Variants in SENP6 observed in about 807,000 individuals in gnomAD.
SENP6 encodes SUMO specific peptidase 6, also known as sentrin-specific protease 6.
SENP6 carries 41 observed loss-of-function variants against 134.5 expected under a neutral mutation model. That is an observed-to-expected ratio of 0.30 (90% CI 0.24 to 0.40). SENP6 has a LOEUF of 0.40. Among genes scored for constraint, SENP6 ranks in the 10% least tolerant of loss-of-function variants. The pLI, the probability that SENP6 is intolerant of heterozygous loss-of-function variation, is 1.00. For synonymous variants in SENP6, 395 were observed against 429.8 expected, an observed-to-expected ratio of 0.92 and a Z score of 1.00; for missense variants, 1,248 against 1,312.5, an observed-to-expected ratio of 0.95 and a Z score of 0.76.
At position 75,601,910 on chromosome 6, in the gene SENP6, CG is replaced by C. The variant is rs1561950401; in HGVS notation, c.-614del. On this transcript the variant is annotated 5_prime_UTR_variant, in exon 1 of 24. Transcript: ENST00000447266. ...CGGCGGCTGGAGCTGCTGTGGCGAC[CG>C]ACGCGAGGCGGTGGCAGAGGAGACC... 1 of 152,052 alleles carries C rather than the reference CG, an allele frequency of 6.6e-6. No individual in the cohort carries two copies. The highest frequency in any genetic ancestry group is 2.4e-5 in the African/African-American group (1 of 41,418). The allele number at this position is 152,052 out of a possible 1,614,324, so 9.4% of individuals were successfully genotyped here. A position where few individuals can be genotyped will look rare whatever the true frequency, so the allele number is the denominator to read the frequency against.
chr6:75,666,600 T>C (rs936770897), intron 9 of SENP6, 112 bp from the exon 10 acceptor site: 7 of 446,358 alleles, frequency 1.6e-5, no homozygotes, highest in African/African-American at 2.1e-5. Flanking sequence ...CAAAGCAAAT[T>C]TAGGATATTT....
intron 7 of SENP6, among the ~76,000 whole-genome samples, chr6:75,652,170 A>C (rs1181987254): frequency 6.6e-6 from 1 of 151,950 alleles, no homozygotes; most frequent in Non-Finnish European, 1.5e-5. Context: ...GAGTGAGACC[A>C]TATCTCAGAA....
intron 16 of SENP6, 64 bp from the exon 17 acceptor site, chr6:75,695,740 A>G: frequency 7.2e-7 from 1 of 1,389,240 alleles, no homozygotes; most frequent in Admixed American, 2.2e-5. Flanking sequence ...CTGTCTCAAA[A>G]AAATAGAAAT....
At chr6:75,696,576 C>A (rs772315570) in intron 17 of SENP6, among the ~76,000 whole-genome samples, 8 of 152,182 alleles carry the variant, frequency 5.3e-5, no homozygotes, top group Non-Finnish European at 1.0e-4. Flanking sequence ...CTCCCACTCT[C>A]AAGTGATCCT....
rs751622590 is a variant in SENP6 at position 75,715,639 on chromosome 6, T to C, written c.*45T>C. On this transcript the variant is annotated 3_prime_UTR_variant, in exon 24 of 24. Coordinates refer to ENST00000447266, the MANE Select transcript of SENP6 (RefSeq NM_015571.4). ...TTTCTACTTTCAGAAACTAAATGAC[T>C]TTCAAATTTGGGTATAGACAATAAA... 1.3e-6 allele frequency: 2 copies of C among 1,490,046 alleles called. No individual in the cohort carries two copies. Among genetic ancestry groups the C allele is most frequent in the African/African-American group, 2.8e-5 (2 of 71,906 alleles). The allele number at this position is 1,490,046 out of a possible 1,614,324, so 92.3% of individuals were successfully genotyped here. A position where few individuals can be genotyped will look rare whatever the true frequency, so the allele number is the denominator to read the frequency against.
In SENP6 at chr6:75,717,426, A is replaced by G. The variant is rs1044047379; in HGVS notation, c.*1832A>G. ...AAAATATAATTTATCCCTTGTACCA[A>G]CTCAAGTCAATCAGATTTTAACATG... On this transcript the variant is annotated 3_prime_UTR_variant, in exon 24 of 24. Coordinates refer to ENST00000447266, the MANE Select transcript of SENP6 (RefSeq NM_015571.4). 1.3e-5 allele frequency: 2 copies of G among 152,064 alleles called. No homozygotes were observed. The highest frequency in any genetic ancestry group is 4.1e-4 in the South Asian group (2 of 4,828). The allele number at this position is 152,064 out of a possible 1,614,324, so 9.4% of individuals were successfully genotyped here. A position where few individuals can be genotyped will look rare whatever the true frequency, so the allele number is the denominator to read the frequency against.
intron 8 of SENP6, 61 bp downstream of exon 8, chr6:75,659,468 A>C: frequency 7.1e-7 from 1 of 1,417,510 alleles, no homozygotes; most frequent in Non-Finnish European, 9.7e-7. Flanking sequence ...TATTAGTTTC[A>C]GTACTTATTA....
intron 17 of SENP6, 119 bp from the exon 18 acceptor site, chr6:75,697,306 A>G (rs555635712): frequency 1.5e-6 from 1 of 676,892 alleles, no homozygotes; most frequent in Admixed American, 3.1e-5. Context: ...AGTTTGTCAA[A>G]CCATTTTATG....
intron 18 of SENP6, among the ~76,000 whole-genome samples, chr6:75,700,088 T>G (rs903778782): frequency 6.6e-6 from 1 of 152,008 alleles, no homozygotes; most frequent in African/African-American, 2.4e-5. Flanking sequence ...TTTTTAAAAT[T>G]TTTTTGGAGA....
At chr6:75,651,599 G>A (rs1770871937) in intron 7 of SENP6, among the ~76,000 whole-genome samples, 2 of 152,198 alleles carry the variant, frequency 1.3e-5, no homozygotes, top group South Asian at 2.1e-4. Context: ...CGATCTGCTC[G>A]CCTCAGCCTC....
At chr6:75,707,355 C>CTTT (rs10564996) in intron 19 of SENP6, among the ~76,000 whole-genome samples, 1,555 of 74,762 alleles carry the variant, frequency 0.021, 19 homozygotes, top group African/African-American at 0.022. Flanking sequence ...TCTTCTTCTT[C>CTTT]TTTTTTTTTT....
chr6:75,643,275 A>T (rs1025974013), intron 6 of SENP6, among the ~76,000 whole-genome samples: 3 of 152,240 alleles, frequency 2.0e-5, no homozygotes, highest in Non-Finnish European at 2.9e-5. Context: ...AACAAAAGAC[A>T]TGCTGATTTG....
chr6:75,696,718 C>T (rs1774689367), intron 17 of SENP6, among the ~76,000 whole-genome samples: 1 of 152,188 alleles, frequency 6.6e-6, no homozygotes. Flanking sequence ...CTCAAGGAAT[C>T]TGCTCACCTC....
intron 7 of SENP6, among the ~76,000 whole-genome samples, chr6:75,649,162 A>G (rs1770676392): frequency 6.6e-6 from 1 of 152,094 alleles, no homozygotes; most frequent in Non-Finnish European, 1.5e-5. Context: ...AAAAAATACA[A>G]AAATTAGCTG....
chr6:75,625,075 G>A (rs1768566912), intron 3 of SENP6, among the ~76,000 whole-genome samples: 1 of 148,190 alleles, frequency 6.7e-6, no homozygotes, highest in Non-Finnish European at 1.5e-5. Flanking sequence ...CCTTTGCTGT[G>A]ATACTAGTTG....
Position 75,663,252 on chromosome 6 carries a change from C to G in SENP6, c.728C>G (p.Thr243Ser). 1 of 1,613,146 alleles carries G rather than the reference C, an allele frequency of 6.2e-7. No individual in the cohort carries two copies. Among genetic ancestry groups the G allele is most frequent in the Non-Finnish European group, 8.5e-7 (1 of 1,179,672 alleles). The change falls in exon 9 of 24, where the codon ACT becomes AGT. Residue 243 changes from threonine to serine, a missense_variant. By Grantham distance (58) the Thr-to-Ser change is moderately conservative. Around this residue, in one of 3 missense-constraint regions of SENP6, gnomAD observed 733 missense variants for 725.4 expected, o/e 1.01. Transcript: ENST00000447266. Reference protein sequence around the residue: ...DLQRNCRQAITLNESTGPLLR... With the variant: ...DLQRNCRQAISLNESTGPLLR... The stretch of plus-strand genomic sequence containing the variant: ...CAAAGAAATTGCAGACAAGCTATTA[C>G]TTTGAATGAGTCTACTGGACCATTA...
At chr6:75,664,357 G>T (rs1402064667) in intron 9 of SENP6, among the ~76,000 whole-genome samples, 1 of 151,502 alleles carries the variant, frequency 6.6e-6, no homozygotes, top group Non-Finnish European at 1.5e-5. Context: ...TAGTTCATGG[G>T]CCTTTTTAAA....
chr6:75,693,868 A>G (rs1460751454), intron 16 of SENP6, among the ~76,000 whole-genome samples: 1 of 152,214 alleles, frequency 6.6e-6, no homozygotes, highest in Non-Finnish European at 1.5e-5. Context: ...TGGATCATAA[A>G]TAAATTTAAT....
intron 16 of SENP6, among the ~76,000 whole-genome samples, chr6:75,685,361 G>A (rs1159903262): frequency 6.6e-6 from 1 of 151,930 alleles, no homozygotes; most frequent in Non-Finnish European, 1.5e-5. Context: ...TTTTTTGAAG[G>A]GTTTTTTTTG....
Sources: allele counts gnomAD v4.1 joint callset (sites outside exome capture counted in the v4.1 genomes callset), GRCh38; gene constraint gnomAD v4.1.1; regional missense constraint gnomAD v4.1.1; transcripts MANE v1.5; gene names NCBI Gene and HGNC (gene_info 2026-07-23, HGNC 2026-07-21).